INTS1: variants seen among roughly 807,000 people sequenced by gnomAD.
The protein encoded by INTS1 is integrator complex subunit 1.
Under a neutral mutation model 241.6 loss-of-function variants are expected in INTS1, and 137 were observed. That is an observed-to-expected ratio of 0.57 (90% CI 0.49 to 0.65). The LOEUF is 0.65. INTS1 is among the 30% of genes least tolerant of loss of function. The pLI is 0.00. For missense variants in INTS1, 3,073 were observed against 3,032.2 expected (o/e 1.01, Z -0.32); for synonymous variants, 1,692 against 1,337.8 (o/e 1.26, Z -5.78).
In INTS1 at chr7:1,487,802, C is replaced by T. The variant is rs764560188; in HGVS notation, c.2474G>A (p.Ser825Asn). Reference sequence around the variant, plus strand: ...GAGCTGCGACAGGAGGAGGCTGCTGCTCTCAGTGATGGTCTGCTTGGTGGA... The same window carrying T: ...GAGCTGCGACAGGAGGAGGCTGCTGTTCTCAGTGATGGTCTGCTTGGTGGA... Reference protein sequence around the residue: ...AASTKQTITESSSLLLSQLTS... With the variant: ...AASTKQTITENSSLLLSQLTS... The change falls in exon 19 of 48, where the codon AGC becomes AAC. Residue 825 changes from serine to asparagine, a missense_variant. Transcript: ENST00000404767. 1.2e-6 allele frequency: 2 copies of T among 1,611,960 alleles called. No individual in the cohort carries two copies. Among genetic ancestry groups the T allele is most frequent in the Non-Finnish European group, 1.7e-6 (2 of 1,179,824 alleles).
In INTS1 at chr7:1,476,879, G is replaced by A. The variant is rs1440599699; in HGVS notation, c.4978C>T (p.Leu1660Phe). The change falls in exon 36 of 48, where the codon CTC (leucine) becomes TTC (phenylalanine). Residue 1660 changes from leucine (L) to phenylalanine (F), a missense_variant. Physicochemically the swap from Leu to Phe is conservative, Grantham distance 22. Transcript: ENST00000404767. ...GACTGATGCGTGAAGAGGGTCAGGA[G>A]GTAGGGACGGAACGAGGGCACCTGG... ...QAQVPSFRPY[L>F]LTLFTHQSSW... The A allele has an allele frequency of 1.9e-6, 3 of 1,612,648 alleles. No homozygotes were observed. Among genetic ancestry groups the A allele is most frequent in the South Asian group, 1.1e-5 (1 of 91,028 alleles).
At chr7:1,478,548 A>AC in intron 32 of INTS1, 42 bp from the exon 33 acceptor site, 2 of 1,592,920 alleles carry the variant, frequency 1.3e-6, no homozygotes, top group South Asian at 2.3e-5. Flanking sequence ...TCCAGCCCTC[A>AC]CCCCATCGGT....
In INTS1 at chr7:1,470,697, G is replaced by T; in HGVS notation, c.6458-5C>A. On this transcript the variant is annotated splice_polypyrimidine_tract_variant and splice_region_variant and intron_variant, in intron 47 of 47. Coordinates refer to ENST00000404767, the MANE Select transcript of INTS1 (RefSeq NM_001080453.3). ...GGAGCAGCACAGCCGCGTGCTCTGT[G>T]GGGGAAACGGGGCCCTGCACGTCAC... The T allele has an allele frequency of 1.3e-6, 2 of 1,533,208 alleles. No individual in the cohort carries two copies. Among genetic ancestry groups the T allele is most frequent in the Non-Finnish European group, 1.8e-6 (2 of 1,137,232 alleles). The allele number at this position is 1,533,208 out of a possible 1,614,324, so 95.0% of individuals were successfully genotyped here. A position where few individuals can be genotyped will look rare whatever the true frequency, so the allele number is the denominator to read the frequency against.
At chr7:1,475,856 G>C in intron 39 of INTS1, 92 bp downstream of exon 39, 2 of 1,438,566 alleles carry the variant, frequency 1.4e-6, no homozygotes, top group Non-Finnish European at 9.3e-7. Context: ...GGTAGCCGGC[G>C]ATGGCCATGT....
rs1272196679 is a variant in INTS1, at chr7:1,470,604, C to T, written c.6546G>A (p.Arg2182=). Residue 2182 remains arginine (R), a synonymous_variant, in exon 48 of 48, where the codon AGG becomes AGA. Coordinates refer to ENST00000404767, the MANE Select transcript of INTS1 (RefSeq NM_001080453.3). ...DPSAQISEAL[R]ILHMEAVM ...ACATCACGGCCTCCATATGCAGGAT[C>T]CTCAGGGCCTCGGAGATCTGCGCGC... The T allele has an allele frequency of 1.3e-6, 2 of 1,580,158 alleles. No individual in the cohort carries two copies. The highest frequency in any genetic ancestry group is 1.8e-5 in the Admixed American group (1 of 56,120).
At chr7:1,491,923 A>C (rs895763809) in intron 16 of INTS1, among the ~76,000 whole-genome samples, 5 of 152,230 alleles carry the variant, frequency 3.3e-5, no homozygotes, top group African/African-American at 9.6e-5. Context: ...CGGAAAATGC[A>C]AACCGAAACA....
At chr7:1,491,149 G>A (rs138287642) in intron 16 of INTS1, among the ~76,000 whole-genome samples, 66 of 152,336 alleles carry the variant, frequency 4.3e-4, no homozygotes, top group African/African-American at 1.5e-3. Flanking sequence ...GGAGGGCTTC[G>A]GGAGCGTGGG....
Position 1,483,825 on chromosome 7 carries a change from C to T in INTS1, c.3458G>A (p.Arg1153His), listed in dbSNP as rs372658116. ...GGTGGCTGTCTCCCCGCTGCTCCAG[C>T]GTAGGAAGACCTGGTCCTGAGACTC... ...WSESQDQVFL[R>H]WSSGETATMH... Residue 1153 changes from arginine (R) to histidine (H), a missense_variant, in exon 26 of 48, where the codon CGC (arginine) becomes CAC (histidine). Physicochemically the swap from Arg to His is conservative, Grantham distance 29 (BLOSUM62 0). Coordinates refer to ENST00000404767, the MANE Select transcript of INTS1 (RefSeq NM_001080453.3). 12 of 1,612,068 alleles carry T rather than the reference C, an allele frequency of 7.4e-6. No individual in the cohort carries two copies. The highest frequency in any genetic ancestry group is 1.7e-5 in the Admixed American group (1 of 59,988).
Position 1,497,059 on chromosome 7 carries a change from A to C in INTS1, c.1602+79T>G, listed in dbSNP as rs571122670. 14 of 1,406,102 alleles carry C rather than the reference A, an allele frequency of 1.0e-5. No homozygotes were observed. Among genetic ancestry groups the C allele is most frequent in the South Asian group, 1.4e-5 (1 of 72,158 alleles). 87.1% of individuals were successfully genotyped at this position (1,406,102 alleles called of 1,614,324 possible). A position where few individuals can be genotyped will look rare whatever the true frequency, so the allele number is the denominator to read the frequency against. On this transcript the variant is annotated intron_variant, in intron 11 of 47. Coordinates refer to ENST00000404767, the MANE Select transcript of INTS1 (RefSeq NM_001080453.3). This position sits in a 1 kb window ranked among gnomAD's most constrained non-coding sequence, Gnocchi z 5.3. ...GAGCATCCGAAGGGGTGGAGTGTGC[A>C]TGGGACCCAGGACGAGGGGGATGGC...
rs1403954872 is a variant in INTS1 at position 1,493,342 on chromosome 7, G to C, written c.2069-236C>G. Among the ~76,000 whole-genome samples the C allele has an allele frequency of 1.3e-5, 2 of 152,100 alleles. No homozygotes were observed. Among genetic ancestry groups the C allele is most frequent in the Admixed American group, 1.3e-4 (2 of 15,280 alleles). ...GAGAGCAGGCAGGGCTGCCAAGAGA[G>C]GGTAGGGAGGTGAGGACGGGGGTGT... On this transcript the variant is annotated intron_variant, in intron 15 of 47. Coordinates refer to ENST00000404767, the MANE Select transcript of INTS1 (RefSeq NM_001080453.3). The surrounding 1 kb of genome is among the most constrained non-coding windows in gnomAD (Gnocchi z 5.3).
Position 1,486,990 on chromosome 7 carries a change from C to T in INTS1, c.2758G>A (p.Asp920Asn), listed in dbSNP as rs1398681721. 6.2e-7 allele frequency: 1 copy of T among 1,608,076 alleles called. No homozygotes were observed. Among genetic ancestry groups the T allele is most frequent in the Non-Finnish European group, 8.5e-7 (1 of 1,179,248 alleles). ...TCCTCCTCCCCGGAAGCAGCATCGT[C>T]CACAGCATCGTGCAGCAGGAACTCG... ...LCEFLLHDAV[D>N]DAASGEEDDE... The change falls in exon 21 of 48, where the codon GAC becomes AAC. Residue 920 changes from aspartate to asparagine, a missense_variant. Physicochemically the swap from Asp to Asn is conservative, Grantham distance 23 (BLOSUM62 1). Transcript: ENST00000404767.
In INTS1 at chr7:1,498,732, G is replaced by T. The variant is rs1782988215; in HGVS notation, c.1258C>A (p.Leu420Ile). The change falls in exon 9 of 48, where the codon CTC becomes ATC. Residue 420 changes from leucine (L) to isoleucine (I), a missense_variant. Coordinates refer to ENST00000404767, the MANE Select transcript of INTS1 (RefSeq NM_001080453.3). ...IKIRLKPKVLLNHFMLCIREL... is the reference protein window; with the variant it reads ...IKIRLKPKVLINHFMLCIREL... ...CTGATGCACAGCATGAAGTGGTTGAGGAGGACCTTGGGCTTGAGGCGGATC... is the reference window on the plus strand; with the variant it reads ...CTGATGCACAGCATGAAGTGGTTGATGAGGACCTTGGGCTTGAGGCGGATC... 2 of 1,559,092 alleles carry T rather than the reference G, an allele frequency of 1.3e-6. No homozygotes were observed.
At chr7:1,499,189 A>T (rs374186867) in intron 7 of INTS1, 28 bp from the exon 8 acceptor site, 1 of 1,605,384 alleles carries the variant, frequency 6.2e-7, no homozygotes, top group African/African-American at 1.3e-5. Flanking sequence ...GCGAGGAGGG[A>T]GGAAGGTGGC....
intron 35 of INTS1, 102 bp from the exon 36 acceptor site, chr7:1,477,020 G>T: frequency 7.1e-7 from 1 of 1,409,448 alleles, no homozygotes. Context: ...AGAGAGCCGA[G>T]GCTTGGGGTG....
At chr7:1,495,668 C>T (rs978550899) in intron 12 of INTS1, 115 bp from the exon 13 acceptor site, 40 of 1,362,930 alleles carry the variant, frequency 2.9e-5, no homozygotes, top group African/African-American at 2.9e-5. Flanking sequence ...TCAGGGCACC[C>T]CCAGCTTCTG....
Position 1,496,348 on chromosome 7 carries a change from G to C in INTS1, c.1603-84C>G, listed in dbSNP as rs1380178023. Reference sequence around the variant, plus strand: ...CCCACGTGGGCGCGGCACGGGGTCTGTATCCAGAAGGGACACCCGGGAGCC... The same window carrying C: ...CCCACGTGGGCGCGGCACGGGGTCTCTATCCAGAAGGGACACCCGGGAGCC... On this transcript the variant is annotated intron_variant, in intron 11 of 47. Transcript: ENST00000404767. 7.7e-6 allele frequency: 4 copies of C among 520,850 alleles called. No individual in the cohort carries two copies. The African/African-American group carries it at 9.0e-5, about 12-fold the overall frequency. 32.3% of individuals were successfully genotyped at this position (520,850 alleles called of 1,614,324 possible). A position where few individuals can be genotyped will look rare whatever the true frequency, so the allele number is the denominator to read the frequency against.
chr7:1,473,348 C>T lies in INTS1; in HGVS notation c.5958-164G>A, dbSNP rs10261310. Among the ~76,000 whole-genome samples, 389 of 152,278 alleles carry T rather than the reference C, an allele frequency of 2.6e-3. 2 individuals carry two copies. Among genetic ancestry groups the T allele is most frequent in the African/African-American group, 8.6e-3 (357 of 41,570 alleles). On this transcript the variant is annotated intron_variant, in intron 42 of 47. Transcript: ENST00000404767. ...GCGGGGAAGCCACATGTGCGTGGAA[C>T]GGGACAGAGAGCCAGAGAGCTGCAG...
At position 1,477,601 on chromosome 7, in the gene INTS1, C is replaced by T. The variant is rs969118459; in HGVS notation, c.4887G>A (p.Val1629=). The change falls in exon 35 of 48, where the codon GTG becomes GTA. Residue 1629 remains valine (V), a synonymous_variant. Transcript: ENST00000404767. ...GCTGCAGGTCGGGGCAGCTGCTGAC[C>T]ACCTCGGGGTCCAGCATTTCCAGCC... ...VDWLEMLDPE[V]VSSCPDLQLR... 6.4e-7 allele frequency: 1 copy of T among 1,566,722 alleles called. No individual in the cohort carries two copies. The highest frequency in any genetic ancestry group is 8.6e-7 in the Non-Finnish European group (1 of 1,157,878).
intron 13 of INTS1, 28 bp from the exon 14 acceptor site, chr7:1,494,921 CATG>C (rs1274501750): frequency 2.3e-5 from 36 of 1,550,434 alleles, no homozygotes; most frequent in Non-Finnish European, 3.1e-5. Flanking sequence ...AGCCCTCAGT[CATG>C]ATGTGGGTGC....
Sources: gnomAD v4.1 joint callset for allele counts (sites outside exome capture counted in the v4.1 genomes callset) on GRCh38, gnomAD v4.1.1 for gene constraint, Gnocchi (gnomAD v3.1) non-coding constraint, MANE v1.5 for transcripts, NCBI Gene and HGNC (gene_info 2026-07-23, HGNC 2026-07-21) for gene names.